The following WRNIP1 variants were observed in gnomAD, a reference collection of about 807,000 sequenced individuals.
The protein encoded by WRNIP1 is WRN helicase interacting protein 1.
A neutral mutation model predicts 56.1 loss-of-function variants in WRNIP1; 41 were observed. That is an observed-to-expected ratio of 0.73 (90% CI 0.57 to 0.95). The LOEUF is 0.95. WRNIP1 is among the 40% of genes least tolerant of loss of function. WRNIP1 has a pLI of 0.00. For missense variants in WRNIP1, 1,170 were observed against 939.4 expected (o/e 1.25, Z -3.21); for synonymous variants, 547 against 398.1 (o/e 1.37, Z -4.45).
At chr6:2,783,633 G>GGT in intron 5 of WRNIP1, 72 bp downstream of exon 5, 2 of 92,090 alleles carry the variant, frequency 2.2e-5, no homozygotes, top group Non-Finnish European at 2.5e-5. Flanking sequence ...TTACATCGTG[G>GGT]CTTTTTTTTT....
At chr6:2,774,490 T>TA (rs1395343082) in intron 3 of WRNIP1, among the ~76,000 whole-genome samples, 1 of 152,260 alleles carries the variant, frequency 6.6e-6, no homozygotes, top group Non-Finnish European at 1.5e-5. Flanking sequence ...TCTGTGTCCT[T>TA]ACGTCTTCTC....
rs1301926504 is a variant in WRNIP1, at chr6:2,765,710, G to A, written c.88G>A (p.Ala30Thr). The change falls in exon 1 of 7, where the codon GCG (alanine) becomes ACG (threonine). Residue 30 changes from alanine (A) to threonine (T), a missense_variant. Coordinates refer to ENST00000380773, the MANE Select transcript of WRNIP1 (RefSeq NM_020135.3). ...CGTGTGCCAGCAGATGATGCCCGCCGCGCACATCAACTCGCACCTGGACCG... is the reference window on the plus strand; with the variant it reads ...CGTGTGCCAGCAGATGATGCCCGCCACGCACATCAACTCGCACCTGGACCG... ...CPVCQQMMPAAHINSHLDRCL... is the reference protein window; with the variant it reads ...CPVCQQMMPATHINSHLDRCL... The A allele has an allele frequency of 1.2e-5, 18 of 1,545,568 alleles. No homozygotes were observed. The highest frequency in any genetic ancestry group is 1.8e-5 in the Admixed American group (1 of 55,080).
chr6:2,766,110 A>T lies in WRNIP1; in HGVS notation c.488A>T (p.Gln163Leu), dbSNP rs1186548427. Residue 163 changes from glutamine to leucine, a missense_variant, in exon 1 of 7, where the codon CAG (glutamine) becomes CTG (leucine). Coordinates refer to ENST00000380773, the MANE Select transcript of WRNIP1 (RefSeq NM_020135.3). ...CGCAGCTGGGACGAGGCGGAGGCGC[A>T]GGAGGAGGAGGAGGCCGTGGGCGAC... ...SPRSWDEAEA[Q>L]EEEEAVGDGD... is the part of the protein sequence containing the mutation. 2.3e-6 allele frequency: 3 copies of T among 1,304,458 alleles called. No individual in the cohort carries two copies. The highest frequency in any genetic ancestry group is 2.9e-6 in the Non-Finnish European group (3 of 1,032,872). 80.8% of individuals were successfully genotyped at this position (1,304,458 alleles called of 1,614,324 possible). A position where few individuals can be genotyped will look rare whatever the true frequency, so the allele number is the denominator to read the frequency against.
Position 2,765,504 on chromosome 6 carries a change from C to T in WRNIP1, c.-119C>T, listed in dbSNP as rs922586320. 65 of 1,249,000 alleles carry T rather than the reference C, an allele frequency of 5.2e-5. No homozygotes were observed. The highest frequency in any genetic ancestry group is 4.9e-4 in the African/African-American group (31 of 62,868). The allele number at this position is 1,249,000 out of a possible 1,614,324, so 77.4% of individuals were successfully genotyped here. A position where few individuals can be genotyped will look rare whatever the true frequency, so the allele number is the denominator to read the frequency against. ...GCGCCCTCCTCCGGCCCGCGAGCGT[C>T]CTGCTGGTTCCCCGAGCGAGGGTCT... On this transcript the variant is annotated 5_prime_UTR_variant, in exon 1 of 7. Transcript: ENST00000380773.
intron 5 of WRNIP1, 26 bp from the exon 6 acceptor site, chr6:2,784,298 C>G: frequency 1.2e-6 from 2 of 1,606,084 alleles, no homozygotes; most frequent in Non-Finnish European, 1.7e-6. Context: ...ATGACTGAAA[C>G]TCTCCTTTGT....
intron 5 of WRNIP1, 92 bp downstream of exon 5, chr6:2,783,653 T>TTTTTTTTTAGGG: frequency 8.3e-6 from 1 of 119,820 alleles, no homozygotes; most frequent in Non-Finnish European, 1.1e-5. Flanking sequence ...TTTTTTTTTT[T>TTTTTTTTTAGGG]GCAGGGCGGG....
chr6:2,769,608 A>G (rs989477432), intron 2 of WRNIP1, among the ~76,000 whole-genome samples: 12 of 152,184 alleles, frequency 7.9e-5, no homozygotes, highest in African/African-American at 2.9e-4. Flanking sequence ...AGTTCTGACG[A>G]GGCGTTAGCA....
At position 2,766,197 on chromosome 6, in the gene WRNIP1, A is replaced by G. The variant is rs1303847594; in HGVS notation, c.575A>G (p.Asp192Gly). 3 of 1,406,352 alleles carry G rather than the reference A, an allele frequency of 2.1e-6. No individual in the cohort carries two copies. The Admixed American group carries it at 9.7e-5, about 46-fold the overall frequency. 87.1% of individuals were successfully genotyped at this position (1,406,352 alleles called of 1,614,324 possible). Residue 192 changes from aspartate (D) to glycine (G), a missense_variant, in exon 1 of 7, where the codon GAC becomes GGC. Coordinates refer to ENST00000380773, the MANE Select transcript of WRNIP1 (RefSeq NM_020135.3). ...GEDDPGHWDA[D>G]AAEAATAFGA... The stretch of plus-strand genomic sequence containing the variant: ...GACGACCCGGGGCACTGGGACGCGG[A>G]CGCTGCCGAAGCCGCCACCGCCTTC...
chr6:2,779,580 G>A (rs1199490528), intron 4 of WRNIP1, 88 bp downstream of exon 4: 12 of 1,389,106 alleles, frequency 8.6e-6, no homozygotes, highest in African/African-American at 4.3e-5. Context: ...ACTGGGTTCC[G>A]GAAGCATTCC....
At chr6:2,775,408 C>T (rs998308328) in intron 3 of WRNIP1, among the ~76,000 whole-genome samples, 1 of 152,178 alleles carries the variant, frequency 6.6e-6, no homozygotes, top group African/African-American at 2.4e-5. Context: ...TGATGCATAT[C>T]CCTGGTTGAA....
Position 2,766,303 on chromosome 6 carries a change from G to A in WRNIP1, c.681G>A (p.Leu227=). ...EIRQMLQGKP[L]ADTMRPDTLQ... ...GACAGATGCTACAGGGCAAGCCGCT[G>A]GCCGACACGATGCGTCCTGACACGC... The change falls in exon 1 of 7, where the codon CTG becomes CTA. Residue 227 remains leucine, a synonymous_variant. Transcript: ENST00000380773. 6.2e-7 allele frequency: 1 copy of A among 1,608,910 alleles called. No homozygotes were observed. Among genetic ancestry groups the A allele is most frequent in the Non-Finnish European group, 8.5e-7 (1 of 1,178,374 alleles).
intron 3 of WRNIP1, chr6:2,773,195 A>T (rs996416989): frequency 2.0e-6 from 2 of 985,262 alleles, no homozygotes; most frequent in Non-Finnish European, 2.4e-6. Context: ...TTAAAAAAAA[A>T]TTCCCTCCTG....
rs555089445 is a variant in WRNIP1 at position 2,774,383 on chromosome 6, G to A, written c.1256+4022G>A. The stretch of plus-strand genomic sequence containing the variant: ...ACCAGAATCAAGGTATCAACAAGGC[G>A]ATGCTCTCATCCAGCATCTGATGGC... On this transcript the variant is annotated intron_variant, in intron 3 of 6. Coordinates refer to ENST00000380773, the MANE Select transcript of WRNIP1 (RefSeq NM_020135.3). The A allele has an allele frequency of 4.0e-5, 27 of 668,316 alleles. No homozygotes were observed. The African/African-American group carries it at 4.1e-4, about 10-fold the overall frequency. 41.4% of individuals were successfully genotyped at this position (668,316 alleles called of 1,614,324 possible). A position where few individuals can be genotyped will look rare whatever the true frequency, so the allele number is the denominator to read the frequency against.
At chr6:2,773,939 G>A (rs1286338535) in intron 3 of WRNIP1, 3 of 985,176 alleles carry the variant, frequency 3.0e-6, no homozygotes, top group Non-Finnish European at 3.6e-6. Flanking sequence ...GTAACTGGGT[G>A]TGGGGCTTTT....
intron 2 of WRNIP1, among the ~76,000 whole-genome samples, chr6:2,769,278 G>A (rs762514085): frequency 2.0e-4 from 30 of 151,704 alleles, no homozygotes; most frequent in Non-Finnish European, 8.8e-5. Context: ...TTAAACAATC[G>A]GTATTTTCTG....
chr6:2,781,377 G>A (rs1765557146), intron 4 of WRNIP1, among the ~76,000 whole-genome samples: 1 of 152,244 alleles, frequency 6.6e-6, no homozygotes, highest in Admixed American at 6.5e-5. Context: ...AGTGCAACAT[G>A]TCTGCCCCAC....
intron 4 of WRNIP1, 132 bp from the exon 5 acceptor site, chr6:2,783,274 G>A (rs1765612352): frequency 3.9e-6 from 4 of 1,017,920 alleles, no homozygotes; most frequent in Non-Finnish European, 5.5e-6. Context: ...TAAGGCAGCT[G>A]CCCAAACCTC....
At chr6:2,784,648 TC>T (rs1765665066) in intron 6 of WRNIP1, among the ~76,000 whole-genome samples, 1 of 152,128 alleles carries the variant, frequency 6.6e-6, no homozygotes, top group Admixed American at 6.6e-5. Context: ...CTCCATATGT[TC>T]CAGGGAGCAG....
chr6:2,775,165 G>GGTGGAGGTGCCAA (rs1405395569), intron 3 of WRNIP1, among the ~76,000 whole-genome samples: 2 of 152,170 alleles, frequency 1.3e-5, no homozygotes, highest in Non-Finnish European at 2.9e-5. Context: ...TGCTACAAGG[G>GGTGGAGGTGCCAA]GTGGAGGTGC....
Sources: gnomAD v4.1 joint callset for allele counts (sites outside exome capture counted in the v4.1 genomes callset) on GRCh38, gnomAD v4.1.1 for gene constraint, MANE v1.5 for transcripts, NCBI Gene and HGNC (gene_info 2026-07-23, HGNC 2026-07-21) for gene names.